VWA3B: variants seen among roughly 807,000 people sequenced by gnomAD.
VWA3B encodes the protein von Willebrand factor A domain containing 3B.
In VWA3B, 138 loss-of-function variants were observed where a neutral mutation model predicts 158.3. The ratio of observed to expected loss-of-function variants is 0.87; its 90% CI spans 0.76 to 1.00. VWA3B has a LOEUF of 1.00. VWA3B is among the 50% of genes least tolerant of loss of function. The pLI, the probability that VWA3B is intolerant of heterozygous loss-of-function variation, is 0.00. For synonymous variants in VWA3B, 596 were observed against 587.3 expected (o/e 1.01, Z -0.21); for missense variants, 1,555 against 1,565.1 (o/e 0.99, Z 0.11).
At chr2:98,263,785 A>G (rs890908201) in intron 21 of VWA3B, among the ~76,000 whole-genome samples, 6 of 151,870 alleles carry the variant, frequency 4.0e-5, no homozygotes, top group Non-Finnish European at 5.9e-5. Flanking sequence ...TCCCTTTTCA[A>G]TCTTTTGAAA....
intron 22 of VWA3B, among the ~76,000 whole-genome samples, chr2:98,289,531 A>G (rs1689365988): frequency 6.6e-6 from 1 of 152,208 alleles, no homozygotes. Flanking sequence ...ATCAACCAGG[A>G]GATATAAGGA....
intron 9 of VWA3B, among the ~76,000 whole-genome samples, chr2:98,181,966 A>G (rs1045817832): frequency 3.9e-5 from 6 of 152,240 alleles, no homozygotes; most frequent in African/African-American, 1.4e-4. Flanking sequence ...AAAGGTTTAG[A>G]AGCATGGAAA....
At chr2:98,122,327 G>A (rs925158672) in intron 5 of VWA3B, among the ~76,000 whole-genome samples, 2 of 152,136 alleles carry the variant, frequency 1.3e-5, no homozygotes, top group Admixed American at 1.3e-4. Context: ...GTTTCTGTAG[G>A]TTTCAGACTT....
chr2:98,095,767 G>A (rs1373801988), intron 2 of VWA3B, among the ~76,000 whole-genome samples: 1 of 152,096 alleles, frequency 6.6e-6, no homozygotes, highest in Non-Finnish European at 1.5e-5. Flanking sequence ...GTCATATATG[G>A]CCTTTACTGT....
chr2:98,093,939 G>A (rs1286983110), intron 2 of VWA3B, among the ~76,000 whole-genome samples: 1 of 152,110 alleles, frequency 6.6e-6, no homozygotes, highest in Non-Finnish European at 1.5e-5. Flanking sequence ...TAATGCCCTT[G>A]AGGTTCGTTC....
At chr2:98,325,664 C>T in the VWA3B span, among the ~76,000 whole-genome samples, 1 of 152,102 alleles carries the variant, frequency 6.6e-6, no homozygotes, top group African/African-American at 2.4e-5. Context: ...CCTTAATATA[C>T]ATATAGTTAT....
In VWA3B at chr2:98,119,661, A is replaced by C. The variant is rs756517437; in HGVS notation, c.440A>C (p.Asp147Ala). 1 of 1,613,962 alleles carries C rather than the reference A, an allele frequency of 6.2e-7. No individual in the cohort carries two copies. Among genetic ancestry groups the C allele is most frequent in the Admixed American group, 1.7e-5 (1 of 59,994 alleles). The part of the protein sequence containing the change: ...ILEQCVTIVL[D>A]FGGILEGELD... ...GAACAGTGCGTCACCATAGTGCTGG[A>C]TTTTGGCGGCATTCTGGAGGGGGAG... Residue 147 changes from aspartate (D) to alanine (A), a missense_variant, in exon 4 of 28, where the codon GAT becomes GCT. Asp to Ala is a moderately radical substitution (Grantham distance 126, BLOSUM62 -2). Coordinates refer to ENST00000477737, the MANE Select transcript of VWA3B (RefSeq NM_144992.5).
chr2:98,290,832 C>T, intron 23 of VWA3B: 1 of 466,594 alleles, frequency 2.1e-6, no homozygotes, highest in Non-Finnish European at 3.8e-6. Context: ...CAGAAAAATG[C>T]ACTTATTTTA....
the VWA3B span, among the ~76,000 whole-genome samples, chr2:98,329,661 C>G: frequency 6.6e-6 from 1 of 152,050 alleles, no homozygotes; most frequent in Non-Finnish European, 1.5e-5. Flanking sequence ...CTCAGTTATT[C>G]AAGAAAACAC....
At position 98,119,763 on chromosome 2, in the gene VWA3B, G is replaced by A. The variant is rs373529277; in HGVS notation, c.542G>A (p.Arg181Gln). 9.9e-6 allele frequency: 16 copies of A among 1,612,954 alleles called. No homozygotes were observed. The highest frequency in any genetic ancestry group is 1.7e-5 in the Admixed American group (1 of 59,982). ...CACATAACCGAGTTCAATATCATAC[G>A]GTGAGTTCCCATAGGAAGGGAGTAT... is the stretch of plus-strand genomic sequence containing the variant. The part of the protein sequence containing the change: ...VAHITEFNII[R>Q]VSQEPVKWQE... Residue 181 changes from arginine (R) to glutamine (Q), a missense_variant and splice_region_variant, in exon 4 of 28, where the codon CGG becomes CAG. Arg to Gln is a conservative substitution (Grantham distance 43). Coordinates refer to ENST00000477737, the MANE Select transcript of VWA3B (RefSeq NM_144992.5).
chr2:98,194,396 G>A lies in VWA3B; in HGVS notation c.1641G>A (p.Val547=). The change falls in exon 12 of 28, where the codon GTG becomes GTA. Residue 547 remains valine, a synonymous_variant. Coordinates refer to ENST00000477737, the MANE Select transcript of VWA3B (RefSeq NM_144992.5). ...AATATAAAAGTAAGTTTAACTTTGT[G>A]AAGTTTGATGGTCAAGCAGTTGCTT... The part of the protein sequence containing the change: ...QLKYKSKFNF[V]KFDGQAVAWR... 6.2e-7 allele frequency: 1 copy of A among 1,614,068 alleles called. No homozygotes were observed. Among genetic ancestry groups the A allele is most frequent in the Non-Finnish European group, 8.5e-7 (1 of 1,179,972 alleles).
chr2:98,267,912 C>T (rs1015534474), intron 21 of VWA3B, among the ~76,000 whole-genome samples: 1 of 152,062 alleles, frequency 6.6e-6, no homozygotes, highest in Non-Finnish European at 1.5e-5. Flanking sequence ...CTACAAACAC[C>T]TCTACGCAAA....
chr2:98,229,277 G>A (rs889817400), intron 15 of VWA3B, among the ~76,000 whole-genome samples: 1 of 152,236 alleles, frequency 6.6e-6, no homozygotes. Context: ...GAGAATCGGG[G>A]TGCACAGATG....
intron 7 of VWA3B, among the ~76,000 whole-genome samples, chr2:98,146,485 C>T (rs1178471430): frequency 6.6e-6 from 1 of 152,118 alleles, no homozygotes; most frequent in Non-Finnish European, 1.5e-5. Flanking sequence ...TTTGCGAAGC[C>T]CTACCTCTTT....
intron 8 of VWA3B, among the ~76,000 whole-genome samples, chr2:98,168,559 G>T (rs376793875): frequency 6.6e-6 from 1 of 151,830 alleles, no homozygotes; most frequent in Non-Finnish European, 1.5e-5. Context: ...TTAAAAAGAC[G>T]CATACTGAAC....
chr2:98,217,362 C>T (rs1295199930), intron 13 of VWA3B, among the ~76,000 whole-genome samples: 5 of 152,296 alleles, frequency 3.3e-5, no homozygotes, highest in African/African-American at 9.6e-5. Flanking sequence ...TCTGGGGCTC[C>T]TTAATCCATT....
Position 98,256,161 on chromosome 2 carries a change from G to C in VWA3B, c.2830G>C (p.Glu944Gln), listed in dbSNP as rs753375310. 1.2e-6 allele frequency: 2 copies of C among 1,610,826 alleles called. No individual in the cohort carries two copies. The highest frequency in any genetic ancestry group is 2.7e-5 in the African/African-American group (2 of 74,266). ...AATTGTTTGGCGAGCATTATCTCAA[G>C]AGGAAAAAGAAAAGTAAGCCATTCC... ...NKIVWRALSQ[E>Q]EKEKLDANKP... is the part of the protein sequence containing the mutation. Residue 944 changes from glutamate (E) to glutamine (Q), a missense_variant, in exon 21 of 28, where the codon GAG becomes CAG. Coordinates refer to ENST00000477737, the MANE Select transcript of VWA3B (RefSeq NM_144992.5).
At chr2:98,210,409 C>T (rs1394517507) in intron 12 of VWA3B, among the ~76,000 whole-genome samples, 1 of 152,242 alleles carries the variant, frequency 6.6e-6, no homozygotes, top group African/African-American at 2.4e-5. Flanking sequence ...AGGCATCCAA[C>T]ACCATCCTAT....
intron 26 of VWA3B, among the ~76,000 whole-genome samples, chr2:98,305,293 G>A (rs1000191395): frequency 5.9e-5 from 9 of 152,168 alleles, no homozygotes; most frequent in Non-Finnish European, 1.3e-4. Context: ...CTCCGAGAGT[G>A]GGCCTGGAGG....
Sources: gnomAD v4.1 joint callset for allele counts (sites outside exome capture counted in the v4.1 genomes callset) on GRCh38, gnomAD v4.1.1 for gene constraint, MANE v1.5 for transcripts, NCBI Gene and HGNC (gene_info 2026-07-23, HGNC 2026-07-21) for gene names.